The following MRE11 variants were observed in gnomAD, a reference collection of about 807,000 sequenced individuals.
The protein encoded by MRE11 is MRE11 double strand break repair nuclease, also known as double-strand break repair protein MRE11.
A neutral mutation model predicts 91.7 loss-of-function variants in MRE11; 62 were observed. The ratio of observed to expected loss-of-function variants is 0.68; its 90% confidence interval spans 0.55 to 0.84. The LOEUF (loss-of-function observed/expected upper bound fraction) is 0.84. MRE11 is among the 40% of genes least tolerant of loss of function. The pLI is 0.00. For synonymous variants in MRE11, 273 were observed against 271.4 expected (o/e 1.01, Z -0.06); for missense variants, 796 against 852.9 (o/e 0.93, Z 0.83).
chr11:94,435,748 CA>C (rs1945588793), intron 18 of MRE11, 83 bp downstream of exon 18: 2 of 1,150,252 alleles, frequency 1.7e-6, no homozygotes, highest in Admixed American at 3.4e-5. Context: ...ACTTACATGG[CA>C]TAGAAAAATG....
At chr11:94,479,162 C>T (rs982954826) in intron 5 of MRE11, among the ~76,000 whole-genome samples, 32 of 152,076 alleles carry the variant, frequency 2.1e-4, no homozygotes, top group Non-Finnish European at 3.1e-4. Flanking sequence ...GAGATAAATG[C>T]TTTGTAATAT....
intron 16 of MRE11, among the ~76,000 whole-genome samples, chr11:94,442,541 T>G (rs1945810628): frequency 6.6e-6 from 1 of 151,896 alleles, no homozygotes; most frequent in African/African-American, 2.4e-5. Context: ...AAGGTAAAGG[T>G]GGGTAATCTA....
At chr11:94,497,992 C>G, upstream of MRE11, 1 of 1,111,028 alleles carries the variant, frequency 9.0e-7, no homozygotes, top group Non-Finnish European at 1.3e-6. Context: ...TTAATTAAAT[C>G]TAACACCACA....
upstream of MRE11, chr11:94,497,690 G>C (rs1204064204): frequency 5.5e-6 from 1 of 182,642 alleles, no homozygotes; most frequent in Non-Finnish European, 1.1e-5. Context: ...ATATTGGTGT[G>C]ATAATCCTAC....
chr11:94,423,807 C>T (rs1056778637), intron 19 of MRE11, among the ~76,000 whole-genome samples: 2 of 152,244 alleles, frequency 1.3e-5, no homozygotes, highest in Non-Finnish European at 2.9e-5. Context: ...TGCTACAGGG[C>T]TACAGCACAC....
At chr11:94,463,615 G>A (rs1209606384) in intron 11 of MRE11, among the ~76,000 whole-genome samples, 1 of 152,172 alleles carries the variant, frequency 6.6e-6, no homozygotes. Flanking sequence ...AAAATGATGA[G>A]TTCATGTCCT....
intron 19 of MRE11, among the ~76,000 whole-genome samples, chr11:94,422,825 T>C (rs767890433): frequency 1.5e-4 from 23 of 152,142 alleles, no homozygotes; most frequent in Non-Finnish European, 2.6e-4. Context: ...GCGATTCTCC[T>C]GCCTCAGCCT....
intron 2 of MRE11, 138 bp downstream of exon 2, chr11:94,492,642 CCT>C: frequency 7.4e-7 from 1 of 1,357,504 alleles, no homozygotes; most frequent in Middle Eastern, 2.0e-4. Flanking sequence ...TTCCAAATAC[CCT>C]TTTTGATGAC....
At chr11:94,485,866 T>C in intron 4 of MRE11, 58 bp downstream of exon 4, 1 of 1,533,630 alleles carries the variant, frequency 6.5e-7, no homozygotes, top group South Asian at 1.1e-5. Flanking sequence ...TTTACGTGTC[T>C]TATACAGCAA....
At chr11:94,475,521 T>C (rs1591701827) in intron 7 of MRE11, 1 of 448,090 alleles carries the variant, frequency 2.2e-6, no homozygotes, top group Non-Finnish European at 4.5e-6. Context: ...CATTTCTGTT[T>C]CATTGCCATC....
chr11:94,475,152 AT>A (rs1180741565), intron 7 of MRE11: 1 of 154,596 alleles, frequency 6.5e-6, no homozygotes, highest in Non-Finnish European at 1.4e-5. Context: ...GGCCCTCTGT[AT>A]TGGCAGATTC....
chr11:94,475,299 T>C (rs1348620175), intron 7 of MRE11: 2 of 186,576 alleles, frequency 1.1e-5, no homozygotes, highest in African/African-American at 2.3e-5. Context: ...GTATTACAAG[T>C]AATCTAGAGA....
chr11:94,422,002 C>A (rs904840486), intron 19 of MRE11, among the ~76,000 whole-genome samples: 1 of 152,108 alleles, frequency 6.6e-6, no homozygotes, highest in African/African-American at 2.4e-5. Flanking sequence ...TTTAACACTA[C>A]TGAACTGTAC....
Position 94,493,829 on chromosome 11 carries a change from G to A in MRE11, c.-144C>T, listed in dbSNP as rs968178678. The stretch of plus-strand genomic sequence containing the variant: ...CAGGGCCGTAAACCTGAATTCCGCG[G>A]GAGAGAACGGCGTCCGTTTCTCTCG... On this transcript the variant is annotated 5_prime_UTR_variant, in exon 1 of 20. Coordinates refer to ENST00000323929, the MANE Select transcript of MRE11 (RefSeq NM_005591.4). 1.3e-5 allele frequency: 2 copies of A among 152,242 alleles called. No homozygotes were observed. The highest frequency in any genetic ancestry group is 2.9e-5 in the Non-Finnish European group (2 of 68,074). 9.4% of individuals were successfully genotyped at this position (152,242 alleles called of 1,614,324 possible).
chr11:94,440,755 G>T (rs974134741), intron 16 of MRE11, among the ~76,000 whole-genome samples: 3 of 152,178 alleles, frequency 2.0e-5, no homozygotes, highest in Admixed American at 6.5e-5. Flanking sequence ...CTAAGAGGTA[G>T]TTCATTACTT....
chr11:94,462,029 C>T (rs36155619), intron 11 of MRE11, among the ~76,000 whole-genome samples: 5,135 of 152,148 alleles, frequency 0.034, 201 homozygotes, highest in African/African-American at 0.091. Flanking sequence ...GAGCTGAGAT[C>T]ACGCCACTGC....
chr11:94,426,535 T>C (rs975864316), intron 19 of MRE11, among the ~76,000 whole-genome samples: 1 of 151,742 alleles, frequency 6.6e-6, no homozygotes, highest in African/African-American at 2.4e-5. Flanking sequence ...GCCCCCAAAT[T>C]AGCAGAAGAA....
intron 10 of MRE11, among the ~76,000 whole-genome samples, chr11:94,464,667 A>G (rs1249851907): frequency 2.0e-5 from 3 of 152,226 alleles, no homozygotes; most frequent in African/African-American, 7.2e-5. Context: ...GTGCCTCAAG[A>G]GAAAGATGAA....
intron 14 of MRE11, among the ~76,000 whole-genome samples, chr11:94,455,961 C>T (rs1337446077): frequency 2.0e-5 from 3 of 152,084 alleles, no homozygotes; most frequent in Admixed American, 6.6e-5. Context: ...GTGGTGCAGC[C>T]ATAGTTCACT....
Sources: gnomAD v4.1 joint callset for allele counts (sites outside exome capture counted in the v4.1 genomes callset) on GRCh38, gnomAD v4.1.1 for gene constraint, MANE v1.5 for transcripts, NCBI Gene and HGNC (gene_info 2026-07-23, HGNC 2026-07-21) for gene names.